The following RPS9 variants were observed in gnomAD, a reference collection of about 807,000 sequenced individuals.
The protein encoded by RPS9 is small ribosomal subunit protein uS4.
Under a neutral mutation model 16.9 loss-of-function variants are expected in RPS9, and 1 was observed. The observed-to-expected ratio is 0.06, with a 90% CI of 0.02 to 0.28. The LOEUF (loss-of-function observed/expected upper bound fraction) is 0.28, where lower values mean the gene tolerates loss of function less well. RPS9 is among the 10% of genes least tolerant of loss of function. The pLI is 1.00. For synonymous variants in RPS9, 106 were observed against 110.9 expected (o/e 0.96, Z 0.28); for missense variants, 137 against 273.2 (o/e 0.50, Z 3.51).
At chr19:54,205,264 G>T (rs2077199683) in intron 3 of RPS9, among the ~76,000 whole-genome samples, 1 of 152,058 alleles carries the variant, frequency 6.6e-6, no homozygotes, top group African/African-American at 2.4e-5. Context: ...TGTGGGCAAG[G>T]GCAGTCCAGA....
intron 3 of RPS9, chr19:54,202,796 G>A (rs756528623): frequency 5.6e-5 from 55 of 985,262 alleles, no homozygotes; most frequent in Non-Finnish European, 6.3e-5. Flanking sequence ...CATGTTAGGC[G>A]TTGAGAAAGT....
intron 4 of RPS9, 52 bp from the exon 5 acceptor site, chr19:54,207,346 G>C: frequency 6.7e-7 from 1 of 1,484,274 alleles, no homozygotes; most frequent in Non-Finnish European, 9.3e-7. Flanking sequence ...GCGGTAGCTG[G>C]GGTTAGCGTC....
At chr19:54,206,581 C>T (rs914154683) in intron 4 of RPS9, 119 bp downstream of exon 4, 1 of 1,554,758 alleles carries the variant, frequency 6.4e-7, no homozygotes, top group Non-Finnish European at 8.7e-7. Context: ...GTGAACTCAC[C>T]CAGAGGGTAC....
At chr19:54,207,099 C>A in intron 4 of RPS9, 1 of 470,366 alleles carries the variant, frequency 2.1e-6, no homozygotes, top group South Asian at 3.3e-5. Context: ...ATATTTCAGA[C>A]TCGGAACTTG....
chr19:54,202,154 T>G (rs1440311543), intron 3 of RPS9: 1 of 154,410 alleles, frequency 6.5e-6, no homozygotes, highest in Non-Finnish European at 1.4e-5. Flanking sequence ...CCCAAGTAGC[T>G]GGGACTACAG....
At chr19:54,200,968 T>A in intron 1 of RPS9, 80 bp downstream of exon 1, 1 of 1,423,246 alleles carries the variant, frequency 7.0e-7, no homozygotes, top group Non-Finnish European at 9.1e-7. Context: ...ATGAGTAAGC[T>A]AAAGACGTTA....
At chr19:54,204,077 T>C (rs2077157600) in intron 3 of RPS9, among the ~76,000 whole-genome samples, 1 of 152,052 alleles carries the variant, frequency 6.6e-6, no homozygotes, top group Admixed American at 6.6e-5. Flanking sequence ...TTTCAGGAGA[T>C]AGATGGTTCA....
intron 4 of RPS9, chr19:54,206,859 G>A: frequency 4.1e-6 from 3 of 727,238 alleles, no homozygotes; most frequent in Non-Finnish European, 6.5e-6. Context: ...TGGGTACTCA[G>A]TGTGCCCTTT....
chr19:54,201,370 G>A (rs543424861), intron 2 of RPS9, 89 bp downstream of exon 2: 2 of 1,607,448 alleles, frequency 1.2e-6, no homozygotes, highest in East Asian at 2.2e-5. Context: ...TATCTAGTCC[G>A]TCCCCTAAAT....
chr19:54,202,427 A>G, intron 3 of RPS9: 1 of 985,262 alleles, frequency 1.0e-6, no homozygotes, highest in Non-Finnish European at 1.2e-6. Flanking sequence ...CTGGTCAAGG[A>G]CATTTAGGTG....
chr19:54,201,849 C>A (rs780249879), intron 3 of RPS9: 1 of 780,132 alleles, frequency 1.3e-6, no homozygotes, highest in Non-Finnish European at 1.9e-6. Flanking sequence ...ATGACCAGAG[C>A]TAAAGATAGG....
chr19:54,200,995 G>GGTT (rs2077022565), intron 1 of RPS9, 107 bp downstream of exon 1: 40 of 1,440,748 alleles, frequency 2.8e-5, no homozygotes, highest in Non-Finnish European at 3.6e-5. Flanking sequence ...AGAGCAGGGT[G>GGTT]GTTGAACGGG....
rs568747437 is a variant in RPS9 at position 54,201,147 on chromosome 19, C to G, written c.-25-13C>G. 1.2e-6 allele frequency: 2 copies of G among 1,612,456 alleles called. No individual in the cohort carries two copies. The highest frequency in any genetic ancestry group is 1.7e-5 in the Admixed American group (1 of 60,006). ...GTTTGGATCCCTTACGCTCACACTT[C>G]TCTCCCGCGCAGGCGCAGACGGGGA... is the stretch of plus-strand genomic sequence containing the variant. On this transcript the variant is annotated splice_polypyrimidine_tract_variant and intron_variant, in intron 1 of 4. Coordinates refer to ENST00000302907, the MANE Select transcript of RPS9 (RefSeq NM_001013.4).
intron 4 of RPS9, chr19:54,206,668 C>A: frequency 6.5e-7 from 1 of 1,543,786 alleles, no homozygotes; most frequent in Admixed American, 2.0e-5. Context: ...AGGGTCACTG[C>A]GGCTCTAGCC....
At position 54,207,534 on chromosome 19, in the gene RPS9, C is replaced by CAGGGTG. The variant is rs2077288827; in HGVS notation, c.545_550dup (p.Gly183_Gly184insGluGly). On this transcript the variant is annotated inframe_insertion, in exon 5 of 5. Transcript: ENST00000302907. ...GAAGAGGAAGAATGCCAAGAAGGGC[C>CAGGGTG]AGGGTGGGGCTGGGGCTGGAGACGA... 6.2e-7 allele frequency: 1 copy of CAGGGTG among 1,612,382 alleles called. No homozygotes were observed. The highest frequency in any genetic ancestry group is 8.5e-7 in the Non-Finnish European group (1 of 1,179,960).
chr19:54,203,407 G>C, intron 3 of RPS9: 1 of 664,122 alleles, frequency 1.5e-6, no homozygotes, highest in Non-Finnish European at 1.9e-6. Flanking sequence ...TGTGTGACTA[G>C]CGAGATTCTG....
At chr19:54,202,603 G>T in intron 3 of RPS9, 1 of 985,280 alleles carries the variant, frequency 1.0e-6, no homozygotes, top group Non-Finnish European at 1.2e-6. Flanking sequence ...TAACCATCTT[G>T]TTTTAAAATC....
Position 54,207,506 on chromosome 19 carries a change from C to T in RPS9, c.516C>T (p.Arg172=), listed in dbSNP as rs745939740. Residue 172 remains arginine (R), a synonymous_variant, in exon 5 of 5, where the codon CGC becomes CGT. Coordinates refer to ENST00000302907, the MANE Select transcript of RPS9 (RefSeq NM_001013.4). The stretch of plus-strand genomic sequence containing the variant: ...CCTACGGGGGTGGCCGCCCGGGCCG[C>T]GTGAAGAGGAAGAATGCCAAGAAGG... ...RSPYGGGRPG[R]VKRKNAKKGQ... is the part of the protein sequence containing the mutation. 2.8e-5 allele frequency: 45 copies of T among 1,612,876 alleles called. No homozygotes were observed. The highest frequency in any genetic ancestry group is 8.0e-5 in the African/African-American group (6 of 74,856).
intron 3 of RPS9, 64 bp downstream of exon 3, chr19:54,201,673 T>C (rs2077058009): frequency 3.8e-6 from 6 of 1,599,200 alleles, no homozygotes; most frequent in South Asian, 2.2e-5. Flanking sequence ...TTCTCCCTTC[T>C]GTTGCCTCTG....
Sources: gnomAD v4.1 joint callset for allele counts (sites outside exome capture counted in the v4.1 genomes callset) on GRCh38, gnomAD v4.1.1 for gene constraint, MANE v1.5 for transcripts, NCBI Gene and HGNC (gene_info 2026-07-23, HGNC 2026-07-21) for gene names.